TCAIM: variants seen among roughly 807,000 people sequenced by gnomAD.
TCAIM encodes the protein T-cell activation inhibitor, mitochondrial.
In TCAIM, 36 loss-of-function variants were observed where a neutral mutation model predicts 58.6. The ratio of observed to expected loss-of-function variants is 0.61; its 90% CI spans 0.47 to 0.81. TCAIM has a LOEUF of 0.81. Ranked by LOEUF, TCAIM falls within the 30% of genes least tolerant of loss-of-function variation. The pLI is 0.00. For synonymous variants in TCAIM, 172 were observed against 193.6 expected (o/e 0.89, Z 0.93); for missense variants, 466 against 579.6 (o/e 0.80, Z 2.01).
chr3:44,346,771 G>T (rs756596805), intron 1 of TCAIM, among the ~76,000 whole-genome samples: 4 of 152,284 alleles, frequency 2.6e-5, no homozygotes, highest in Non-Finnish European at 5.9e-5. Flanking sequence ...AAACAGTAAG[G>T]TCAAGTTGTT....
chr3:44,350,383 G>C (rs903784051), intron 1 of TCAIM, among the ~76,000 whole-genome samples: 6 of 151,964 alleles, frequency 3.9e-5, no homozygotes, highest in Non-Finnish European at 8.8e-5. Context: ...CTTGGGCTCA[G>C]AGGCCTGACA....
chr3:44,342,449 C>T (rs1700873077), intron 1 of TCAIM, among the ~76,000 whole-genome samples: 1 of 152,168 alleles, frequency 6.6e-6, no homozygotes, highest in Non-Finnish European at 1.5e-5. Flanking sequence ...CCCTAATAAA[C>T]ATGGTAGTAA....
intron 5 of TCAIM, among the ~76,000 whole-genome samples, chr3:44,375,847 A>T (rs1458527823): frequency 6.6e-6 from 1 of 152,250 alleles, no homozygotes; most frequent in Non-Finnish European, 1.5e-5. Context: ...TACACTCAAG[A>T]GAAATGAAAA....
At chr3:44,383,641 A>G (rs558824537) in intron 5 of TCAIM, among the ~76,000 whole-genome samples, 7 of 152,206 alleles carry the variant, frequency 4.6e-5, no homozygotes, top group East Asian at 3.9e-4. Flanking sequence ...TTGCACAACA[A>G]TGTTAATGTA....
chr3:44,387,578 C>A (rs1029346929), intron 5 of TCAIM, among the ~76,000 whole-genome samples: 5 of 152,238 alleles, frequency 3.3e-5, no homozygotes, highest in Admixed American at 2.6e-4. Context: ...TGGGTTTGCC[C>A]GCTCTCCACT....
intron 3 of TCAIM, chr3:44,359,427 A>G (rs1701259515): frequency 6.6e-6 from 1 of 152,146 alleles, no homozygotes; most frequent in South Asian, 2.1e-4. Flanking sequence ...TATGCTAACA[A>G]TGTGATTTAT....
At chr3:44,370,754 CT>C (rs1331295394) in intron 5 of TCAIM, among the ~76,000 whole-genome samples, 1 of 53,556 alleles carries the variant, frequency 1.9e-5, no homozygotes, top group Non-Finnish European at 3.7e-5. Flanking sequence ...TTCTTTCTTT[CT>C]TTTTTTTTGA....
Position 44,342,258 on chromosome 3 carries a change from G to T in TCAIM, c.-45+3424G>T, listed in dbSNP as rs548651107. Among the ~76,000 whole-genome samples the T allele has an allele frequency of 5.3e-5, 8 of 152,274 alleles. 2 individuals are homozygous for T. In the East Asian group the frequency reaches 1.5e-3, roughly 29 times the overall value. On this transcript the variant is annotated intron_variant, in intron 1 of 10. Transcript: ENST00000342649. ...ACTTAAGATTCAGAATTAAAAGGCA[G>T]TTTGGAGTGGGGACAGAATGTTTAT... is the stretch of plus-strand genomic sequence containing the variant.
intron 5 of TCAIM, among the ~76,000 whole-genome samples, chr3:44,379,746 A>G (rs1015822071): frequency 3.9e-5 from 6 of 152,120 alleles, no homozygotes; most frequent in Non-Finnish European, 7.4e-5. Context: ...AGAGAGGGGA[A>G]GGGTGTTTCT....
chr3:44,398,465 AT>A (rs1701972699), intron 8 of TCAIM, among the ~76,000 whole-genome samples: 1 of 151,668 alleles, frequency 6.6e-6, no homozygotes, highest in African/African-American at 2.4e-5. Flanking sequence ...AGATAGATAG[AT>A]AGATAGATAG....
At chr3:44,405,945 C>A (rs1337411265) in intron 10 of TCAIM, among the ~76,000 whole-genome samples, 5 of 100,866 alleles carry the variant, frequency 5.0e-5, no homozygotes, top group Non-Finnish European at 1.1e-4. Context: ...GAGCAAGACT[C>A]CATCTCAAAA....
intron 1 of TCAIM, among the ~76,000 whole-genome samples, chr3:44,349,175 G>A (rs888136569): frequency 6.6e-6 from 1 of 152,142 alleles, no homozygotes; most frequent in African/African-American, 2.4e-5. Flanking sequence ...GAACAGATAA[G>A]AGAGAAAGAA....
intron 10 of TCAIM, among the ~76,000 whole-genome samples, chr3:44,401,799 G>A (rs982588612): frequency 1.3e-5 from 2 of 152,194 alleles, no homozygotes; most frequent in Non-Finnish European, 2.9e-5. Flanking sequence ...GGGAGGCCGA[G>A]GCAGGCAGAT....
chr3:44,364,049 C>T (rs1000366325), intron 4 of TCAIM, among the ~76,000 whole-genome samples: 1 of 150,568 alleles, frequency 6.6e-6, no homozygotes, highest in Non-Finnish European at 1.5e-5. Flanking sequence ...CTGCCTCAGC[C>T]TCCTGAGTAG....
chr3:44,408,085 G>C lies in TCAIM; in HGVS notation c.*403G>C, dbSNP rs890603797. 7.2e-5 allele frequency: 11 copies of C among 152,480 alleles called. No homozygotes were observed. Among genetic ancestry groups the C allele is most frequent in the African/African-American group, 1.9e-4 (8 of 41,428 alleles). 9.4% of individuals were successfully genotyped at this position (152,480 alleles called of 1,614,324 possible). A position where few individuals can be genotyped will look rare whatever the true frequency, so the allele number is the denominator to read the frequency against. On this transcript the variant is annotated 3_prime_UTR_variant, in exon 11 of 11. Coordinates refer to ENST00000342649, the MANE Select transcript of TCAIM (RefSeq NM_173826.4). ...CAGTCTTATGATGTTGGTTGGCAAGGCTAGATAAAAAGATGTTAGAATGAA... is the reference window on the plus strand; with the variant it reads ...CAGTCTTATGATGTTGGTTGGCAAGCCTAGATAAAAAGATGTTAGAATGAA...
At chr3:44,386,608 C>A (rs1178963345) in intron 5 of TCAIM, among the ~76,000 whole-genome samples, 1 of 152,272 alleles carries the variant, frequency 6.6e-6, no homozygotes, top group Non-Finnish European at 1.5e-5. Context: ...TCCCTGGCCT[C>A]TCTCCACTCC....
chr3:44,387,910 A>G (rs1701770556), intron 5 of TCAIM, among the ~76,000 whole-genome samples: 2 of 152,184 alleles, frequency 1.3e-5, no homozygotes, highest in African/African-American at 4.8e-5. Context: ...TTAGAGACTA[A>G]AATAAAAAAA....
chr3:44,357,986 A>G (rs923242134), intron 3 of TCAIM, 110 bp downstream of exon 3: 2 of 1,421,122 alleles, frequency 1.4e-6, no homozygotes, highest in South Asian at 1.5e-5. Flanking sequence ...TTGTGGTGAT[A>G]TAATCAATGC....
chr3:44,398,301 G>T (rs1701967184), intron 8 of TCAIM, among the ~76,000 whole-genome samples: 1 of 152,084 alleles, frequency 6.6e-6, no homozygotes, highest in African/African-American at 2.4e-5. Flanking sequence ...ATGGTGGCAG[G>T]CGCCTATAGT....
Sources: allele counts gnomAD v4.1 joint callset (sites outside exome capture counted in the v4.1 genomes callset), GRCh38; gene constraint gnomAD v4.1.1; transcripts MANE v1.5; gene names NCBI Gene and HGNC (gene_info 2026-07-23, HGNC 2026-07-21).